Variants in WARS2 observed in about 807,000 individuals in gnomAD.
WARS2 encodes the protein tryptophanyl tRNA synthetase 2, mitochondrial, also known as tryptophan--tRNA ligase, mitochondrial.
WARS2 carries 28 observed loss-of-function variants against 36.5 expected under a neutral mutation model. That is an observed-to-expected ratio of 0.77 (90% CI 0.57 to 1.05). The LOEUF is 1.05. WARS2 is among the 50% of genes least tolerant of loss of function. WARS2 has a pLI of 0.00. For synonymous variants in WARS2, 174 were observed against 178.4 expected, an observed-to-expected ratio of 0.98 and a Z score of 0.20; for missense variants, 435 against 456.8, an observed-to-expected ratio of 0.95 and a Z score of 0.44.
intron 4 of WARS2, among the ~76,000 whole-genome samples, chr1:119,041,824 A>G (rs889265982): frequency 1.3e-5 from 2 of 152,236 alleles, no homozygotes; most frequent in African/African-American, 4.8e-5. Flanking sequence ...CAGACTCTGT[A>G]TCCAAACTTC....
intron 1 of WARS2, among the ~76,000 whole-genome samples, chr1:119,120,051 A>C (rs1014792290): frequency 2.6e-5 from 4 of 152,178 alleles, no homozygotes; most frequent in African/African-American, 9.6e-5. Context: ...GAAGAAAAAT[A>C]ACAAAGATCA....
At chr1:119,035,017 A>G (rs961915470) in intron 4 of WARS2, among the ~76,000 whole-genome samples, 6 of 152,236 alleles carry the variant, frequency 3.9e-5, no homozygotes, top group Non-Finnish European at 5.9e-5. Flanking sequence ...GGAGACTTGA[A>G]TTTTATCTGT....
chr1:119,077,658 T>C (rs964035515), intron 1 of WARS2, among the ~76,000 whole-genome samples: 1 of 152,274 alleles, frequency 6.6e-6, no homozygotes, highest in African/African-American at 2.4e-5. Flanking sequence ...TAATTCTACA[T>C]AATTATTTAA....
chr1:119,136,298 G>A (rs973621783), intron 1 of WARS2, among the ~76,000 whole-genome samples: 1 of 152,042 alleles, frequency 6.6e-6, no homozygotes, highest in Admixed American at 6.6e-5. Flanking sequence ...TAAATCCTCA[G>A]CATTCAGCTA....
At chr1:119,045,715 TAAG>T (rs1409270233) in intron 2 of WARS2, 53 bp from the exon 3 acceptor site, 18 of 1,349,530 alleles carry the variant, frequency 1.3e-5, no homozygotes, top group Admixed American at 9.7e-5. Context: ...TTCTTGCATA[TAAG>T]AAGAACTAAG....
intron 1 of WARS2, among the ~76,000 whole-genome samples, chr1:119,098,898 G>T (rs777041065): frequency 1.1e-4 from 17 of 151,836 alleles, no homozygotes; most frequent in African/African-American, 2.7e-4. Context: ...CACCATGCCC[G>T]GCTAATTTTT....
rs184639611 is a variant in WARS2, at chr1:119,129,419, G to A, written c.90+11136C>T. ...CCAGAAAGATGCCACAATCAAACCC[G>A]TCCTCTTGGCCAGGCAGAGTGGTTC... On this transcript the variant is annotated intron_variant, in intron 1 of 5. Coordinates refer to ENST00000235521, the MANE Select transcript of WARS2 (RefSeq NM_015836.4). Among the ~76,000 whole-genome samples the A allele has an allele frequency of 1.2e-3, 182 of 152,260 alleles. 1 individual carries two copies. Among genetic ancestry groups the A allele is most frequent in the South Asian group, 1.7e-3 (8 of 4,828 alleles).
chr1:119,059,642 G>T (rs1012541443), intron 2 of WARS2, among the ~76,000 whole-genome samples: 1 of 152,110 alleles, frequency 6.6e-6, no homozygotes, highest in African/African-American at 2.4e-5. Flanking sequence ...AAGCTGTTTT[G>T]AGTATTCTAA....
chr1:119,123,870 GCA>G (rs1252078558), intron 1 of WARS2, among the ~76,000 whole-genome samples: 1 of 151,398 alleles, frequency 6.6e-6, no homozygotes, highest in African/African-American at 2.4e-5. Flanking sequence ...AAGGCTTTCA[GCA>G]CAGTCTATAC....
At chr1:119,104,633 AAC>A (rs1234919375) in intron 1 of WARS2, among the ~76,000 whole-genome samples, 1 of 148,732 alleles carries the variant, frequency 6.7e-6, no homozygotes. Context: ...AAAAAAAAAA[AAC>A]ATGGTGAAAT....
At position 119,130,619 on chromosome 1, in the gene WARS2, A is replaced by C. The variant is rs189117886; in HGVS notation, c.90+9936T>G. On this transcript the variant is annotated intron_variant, in intron 1 of 5. Coordinates refer to ENST00000235521, the MANE Select transcript of WARS2 (RefSeq NM_015836.4). ...CATTACACAACTTTTGTAATTAAAT[A>C]AATAAAAATGCACACAAAAATGTAT... 5.4e-4 allele frequency among the ~76,000 whole-genome samples: 83 copies of C among 152,368 alleles called. 1 individual carries two copies. Among genetic ancestry groups the C allele is most frequent in the Middle Eastern group, 6.8e-3 (2 of 294 alleles).
intron 2 of WARS2, among the ~76,000 whole-genome samples, chr1:119,067,808 T>C (rs1452495694): frequency 6.6e-6 from 1 of 150,650 alleles, no homozygotes; most frequent in Non-Finnish European, 1.5e-5. Flanking sequence ...CTTCAAAGCC[T>C]CTATTTTTTT....
chr1:119,074,606 T>C (rs1651584320), intron 2 of WARS2, among the ~76,000 whole-genome samples: 1 of 152,232 alleles, frequency 6.6e-6, no homozygotes, highest in Admixed American at 6.5e-5. Context: ...GATCAGATTC[T>C]ATTATTTTAT....
chr1:119,068,825 A>ACTCTCTCT (rs10647679), intron 2 of WARS2, among the ~76,000 whole-genome samples: 4 of 149,404 alleles, frequency 2.7e-5, no homozygotes, highest in East Asian at 2.0e-4. Flanking sequence ...TCTCTCTCTT[A>ACTCTCTCT]CTCTCTCTCT....
chr1:119,084,772 C>G (rs1205283568), intron 1 of WARS2, among the ~76,000 whole-genome samples: 1 of 152,078 alleles, frequency 6.6e-6, no homozygotes, highest in African/African-American at 2.4e-5. Flanking sequence ...ATTTATGAAT[C>G]AACATTCAGG....
At chr1:119,116,191 A>G (rs943333898) in intron 1 of WARS2, among the ~76,000 whole-genome samples, 2 of 152,226 alleles carry the variant, frequency 1.3e-5, no homozygotes, top group Admixed American at 6.5e-5. Context: ...GGTATACAGC[A>G]TAAGACCAGC....
At chr1:119,113,652 A>G (rs1350609940) in intron 1 of WARS2, among the ~76,000 whole-genome samples, 1 of 152,152 alleles carries the variant, frequency 6.6e-6, no homozygotes, top group East Asian at 1.9e-4. Flanking sequence ...GAGGCCAGGC[A>G]CTGTTTTATG....
intron 2 of WARS2, among the ~76,000 whole-genome samples, chr1:119,073,658 A>T (rs1022296653): frequency 6.6e-6 from 1 of 152,184 alleles, no homozygotes; most frequent in African/African-American, 2.4e-5. Flanking sequence ...AGACCCAATG[A>T]GCTCATTAGG....
intron 1 of WARS2, among the ~76,000 whole-genome samples, chr1:119,086,377 C>T (rs1652669005): frequency 6.6e-6 from 1 of 152,190 alleles, no homozygotes; most frequent in African/African-American, 2.4e-5. Context: ...CACACCAAGT[C>T]GTCAGACTGT....
Sources: allele counts gnomAD v4.1 joint callset (sites outside exome capture counted in the v4.1 genomes callset), GRCh38; gene constraint gnomAD v4.1.1; transcripts MANE v1.5; gene names NCBI Gene and HGNC (gene_info 2026-07-23, HGNC 2026-07-21).